Variants in SLC24A3 observed in about 807,000 individuals in gnomAD.
SLC24A3 encodes solute carrier family 24 member 3, also known as sodium/potassium/calcium exchanger 3.
SLC24A3 carries 28 observed loss-of-function variants against 75.8 expected under a neutral mutation model. The ratio of observed to expected loss-of-function variants is 0.37; its 90% CI spans 0.27 to 0.51. The LOEUF is 0.51. Among genes scored for constraint, SLC24A3 ranks in the 20% least tolerant of loss-of-function variants. The pLI is 0.94. For synonymous variants in SLC24A3, 372 were observed against 334.1 expected (o/e 1.11, Z -1.24); for missense variants, 663 against 847.8 (o/e 0.78, Z 2.71).
chr20:19,217,165 A>G (rs552884348), intron 1 of SLC24A3, among the ~76,000 whole-genome samples: 2 of 152,380 alleles, frequency 1.3e-5, no homozygotes, highest in Non-Finnish European at 2.9e-5. Flanking sequence ...CATAAGTCAC[A>G]GTCACAGAAT....
intron 6 of SLC24A3, among the ~76,000 whole-genome samples, chr20:19,610,233 TTC>T (rs1195055980): frequency 1.3e-5 from 2 of 152,238 alleles, no homozygotes; most frequent in Admixed American, 6.5e-5. Flanking sequence ...TTGGTTTTCA[TTC>T]TGTTTTGTAC....
intron 6 of SLC24A3, among the ~76,000 whole-genome samples, chr20:19,618,746 C>A (rs888560339): frequency 1.3e-5 from 2 of 152,170 alleles, no homozygotes; most frequent in Non-Finnish European, 2.9e-5. Context: ...TGAGTTAATA[C>A]CTCGTGAGTT....
chr20:19,484,059 G>A (rs4814859), intron 2 of SLC24A3, among the ~76,000 whole-genome samples: 64,863 of 151,964 alleles, frequency 0.43, 14,113 homozygotes, highest in East Asian at 0.53. Context: ...CATTAGTCAC[G>A]GTAGCTGAGA....
intron 3 of SLC24A3, among the ~76,000 whole-genome samples, chr20:19,563,497 A>G (rs1312428109): frequency 1.3e-5 from 2 of 152,186 alleles, no homozygotes; most frequent in African/African-American, 2.4e-5. Flanking sequence ...ATTTCTATAC[A>G]CACTTTTTTA....
chr20:19,526,139 C>G (rs2030195227), intron 3 of SLC24A3, among the ~76,000 whole-genome samples: 1 of 152,182 alleles, frequency 6.6e-6, no homozygotes, highest in African/African-American at 2.4e-5. Context: ...GTTTCCCTTC[C>G]TACCCACTGA....
At chr20:19,527,430 G>A (rs759813628) in intron 3 of SLC24A3, among the ~76,000 whole-genome samples, 2 of 152,148 alleles carry the variant, frequency 1.3e-5, no homozygotes, top group Non-Finnish European at 2.9e-5. Flanking sequence ...CACTAAGCTG[G>A]TAAGTGAGTG....
intron 1 of SLC24A3, among the ~76,000 whole-genome samples, chr20:19,255,675 G>T (rs1982793187): frequency 6.6e-6 from 1 of 152,220 alleles, no homozygotes; most frequent in South Asian, 2.1e-4. Flanking sequence ...GTCCAATACG[G>T]GAGCCATGAG....
intron 2 of SLC24A3, among the ~76,000 whole-genome samples, chr20:19,316,447 GGGA>G (rs1471381281): frequency 6.6e-6 from 1 of 152,208 alleles, no homozygotes; most frequent in Non-Finnish European, 1.5e-5. Flanking sequence ...CCACCTCCGG[GGGA>G]GCAAGTACGA....
intron 2 of SLC24A3, among the ~76,000 whole-genome samples, chr20:19,411,462 C>T (rs1454835085): frequency 2.6e-5 from 4 of 152,186 alleles, no homozygotes; most frequent in Admixed American, 6.5e-5. Context: ...CCTTGGACAT[C>T]GCCGAGCAGA....
At chr20:19,283,378 A>G (rs549275336) in intron 2 of SLC24A3, among the ~76,000 whole-genome samples, 1 of 152,362 alleles carries the variant, frequency 6.6e-6, no homozygotes, top group East Asian at 1.9e-4. Flanking sequence ...TGGACATTCA[A>G]TGGCAATTTC....
intron 2 of SLC24A3, among the ~76,000 whole-genome samples, chr20:19,283,647 C>G (rs778427770): frequency 6.6e-6 from 1 of 152,174 alleles, no homozygotes; most frequent in Admixed American, 6.5e-5. Context: ...ATCTCTACCC[C>G]GGGTCTTAGA....
intron 2 of SLC24A3, among the ~76,000 whole-genome samples, chr20:19,467,740 G>A (rs921274874): frequency 2.0e-5 from 3 of 152,092 alleles, no homozygotes; most frequent in African/African-American, 7.2e-5. Flanking sequence ...AATTAGCTGG[G>A]CGTAGTGGTG....
At chr20:19,303,003 GT>G (rs11477457) in intron 2 of SLC24A3, among the ~76,000 whole-genome samples, 1,936 of 147,584 alleles carry the variant, frequency 0.013, 36 homozygotes, top group African/African-American at 0.044. Context: ...AGTGGCCTTT[GT>G]TTTTTTTTTT....
chr20:19,285,313 A>G (rs965945745), intron 2 of SLC24A3, among the ~76,000 whole-genome samples: 11 of 151,924 alleles, frequency 7.2e-5, no homozygotes, highest in African/African-American at 1.2e-4. Context: ...CCCCATCTCT[A>G]TAAAATGTAC....
chr20:19,654,100 T>C lies in SLC24A3; in HGVS notation c.651T>C (p.Ser217=). The change falls in exon 7 of 17, where the codon TCT becomes TCC. Residue 217 remains serine, a synonymous_variant. Coordinates refer to ENST00000328041, the MANE Select transcript of SLC24A3 (RefSeq NM_020689.4). ...CCTCCTGGTGCCTGCTGAGGGATTC[T>C]ATTTACTACACGCTGTCTGTGATCG... ...ALSSWCLLRD[S]IYYTLSVIAL... The C allele has an allele frequency of 1.2e-6, 2 of 1,613,874 alleles. No homozygotes were observed. Among genetic ancestry groups the C allele is most frequent in the Non-Finnish European group, 1.7e-6 (2 of 1,179,804 alleles).
At chr20:19,553,965 G>A (rs768065707) in intron 3 of SLC24A3, among the ~76,000 whole-genome samples, 1 of 152,142 alleles carries the variant, frequency 6.6e-6, no homozygotes. Context: ...GGAGGAAAAC[G>A]ATTCAGAAAA....
intron 3 of SLC24A3, among the ~76,000 whole-genome samples, chr20:19,528,857 G>A (rs1431181640): frequency 1.3e-4 from 20 of 152,244 alleles, no homozygotes; most frequent in Admixed American, 9.2e-4. Flanking sequence ...TGGGACCAGC[G>A]GTTTGACTGA....
At chr20:19,410,402 A>G (rs1986722110) in intron 2 of SLC24A3, among the ~76,000 whole-genome samples, 1 of 152,218 alleles carries the variant, frequency 6.6e-6, no homozygotes, top group Non-Finnish European at 1.5e-5. Context: ...CTCAGGACAC[A>G]TTTAGAGGAG....
intron 2 of SLC24A3, among the ~76,000 whole-genome samples, chr20:19,383,286 A>T (rs190940362): frequency 1.3e-5 from 2 of 152,334 alleles, no homozygotes; most frequent in African/African-American, 4.8e-5. Flanking sequence ...CGTACTTCAA[A>T]AAGAGAAATC....
Sources: allele counts gnomAD v4.1 joint callset (sites outside exome capture counted in the v4.1 genomes callset), GRCh38; gene constraint gnomAD v4.1.1; transcripts MANE v1.5; gene names NCBI Gene and HGNC (gene_info 2026-07-23, HGNC 2026-07-21).